The following CAPS2 variants were observed in gnomAD, a reference collection of about 807,000 sequenced individuals.
The protein encoded by CAPS2 is calcyphosine 2, also known as calcyphosin-2.
In CAPS2, 98 loss-of-function variants were observed where a neutral mutation model predicts 86.5. The ratio of observed to expected loss-of-function variants is 1.13; its 90% CI spans 0.96 to 1.34. The LOEUF (loss-of-function observed/expected upper bound fraction) is 1.34. CAPS2 is among the 40% of genes most tolerant of loss of function. The pLI is 0.00. For synonymous variants in CAPS2, 210 were observed against 225.1 expected, an observed-to-expected ratio of 0.93 and a Z score of 0.60; for missense variants, 729 against 686.8, an observed-to-expected ratio of 1.06 and a Z score of -0.69.
intron 1 of CAPS2, among the ~76,000 whole-genome samples, chr12:75,368,007 A>T (rs1043773011): frequency 1.6e-4 from 24 of 152,088 alleles, no homozygotes; most frequent in African/African-American, 5.8e-4. Context: ...AATAAATGTT[A>T]ACTTTAACAA....
intron 1 of CAPS2, among the ~76,000 whole-genome samples, chr12:75,382,639 CA>C (rs59130420): frequency 2.9e-4 from 41 of 143,042 alleles, no homozygotes; most frequent in Admixed American, 2.8e-4. Flanking sequence ...GACTCCATCT[CA>C]AAAAAAAAAA....
upstream of CAPS2, among the ~76,000 whole-genome samples, chr12:75,333,093 C>A (rs2041446256): frequency 6.6e-6 from 1 of 152,150 alleles, no homozygotes. Context: ...TTGGGCCATA[C>A]CTAGGACTTC....
chr12:75,385,411 T>A (rs1300334207), intron 1 of CAPS2, among the ~76,000 whole-genome samples: 1 of 152,030 alleles, frequency 6.6e-6, no homozygotes, highest in Non-Finnish European at 1.5e-5. Context: ...GAACTCATAA[T>A]AAAAATTCTC....
intron 11 of CAPS2, among the ~76,000 whole-genome samples, chr12:75,296,113 T>C (rs561640026): frequency 2.0e-5 from 3 of 152,162 alleles, no homozygotes; most frequent in Admixed American, 6.5e-5. Context: ...GACTTTTTAG[T>C]TGAGGGAGGG....
At chr12:75,337,020 A>T (rs543818384) in intron 1 of CAPS2, among the ~76,000 whole-genome samples, 58 of 151,980 alleles carry the variant, frequency 3.8e-4, no homozygotes, top group African/African-American at 1.3e-3. Flanking sequence ...AAGTTAAAGA[A>T]TAAATAATAA....
At chr12:75,288,044 A>T (rs2035207390) in intron 14 of CAPS2, among the ~76,000 whole-genome samples, 1 of 152,218 alleles carries the variant, frequency 6.6e-6, no homozygotes, top group South Asian at 2.1e-4. Context: ...TGGTTGCAGA[A>T]GTATTCTGTG....
intron 13 of CAPS2, among the ~76,000 whole-genome samples, chr12:75,290,808 G>C (rs368518754): frequency 7.6e-4 from 115 of 151,686 alleles, no homozygotes; most frequent in Middle Eastern, 3.4e-3. Flanking sequence ...TGTAGTCCTG[G>C]CTACTCAGGA....
intron 5 of CAPS2, among the ~76,000 whole-genome samples, chr12:75,317,880 A>G (rs1248489880): frequency 2.0e-5 from 3 of 151,802 alleles, no homozygotes; most frequent in Non-Finnish European, 4.4e-5. Flanking sequence ...AATTTCTAGG[A>G]AAAAAAATAC....
intron 1 of CAPS2, among the ~76,000 whole-genome samples, chr12:75,348,077 ATGAT>A (rs1348862695): frequency 6.6e-5 from 10 of 152,284 alleles, no homozygotes; most frequent in Non-Finnish European, 1.2e-4. Flanking sequence ...GAATAAGAAA[ATGAT>A]TGAGAATGAT....
intron 8 of CAPS2, among the ~76,000 whole-genome samples, chr12:75,303,175 A>T (rs1439184913): frequency 4.6e-5 from 7 of 152,222 alleles, no homozygotes; most frequent in African/African-American, 1.7e-4. Flanking sequence ...CAACAATGAG[A>T]ATAAAAAAAG....
chr12:75,378,589 A>G (rs1227843159), intron 1 of CAPS2, among the ~76,000 whole-genome samples: 2 of 152,206 alleles, frequency 1.3e-5, no homozygotes, highest in Non-Finnish European at 2.9e-5. Context: ...TTGAAAACTC[A>G]GGCAAAATGT....
intron 7 of CAPS2, chr12:75,305,589 G>A (rs1344751123): frequency 3.7e-5 from 23 of 626,342 alleles, no homozygotes; most frequent in Non-Finnish European, 6.7e-5. Flanking sequence ...CTCCAGACCC[G>A]ACCACTGCCC....
At chr12:75,376,353 T>C (rs1244088411) in intron 1 of CAPS2, among the ~76,000 whole-genome samples, 1 of 152,220 alleles carries the variant, frequency 6.6e-6, no homozygotes, top group African/African-American at 2.4e-5. Flanking sequence ...AGATTTCTGC[T>C]TACATAAATT....
chr12:75,354,383 T>C, intron 1 of CAPS2, among the ~76,000 whole-genome samples: 1 of 151,766 alleles, frequency 6.6e-6, no homozygotes, highest in African/African-American at 2.4e-5. Context: ...CCATTCACAA[T>C]TGCTAGAAAG....
intron 1 of CAPS2, among the ~76,000 whole-genome samples, chr12:75,338,541 T>A (rs549829527): frequency 1.9e-4 from 29 of 152,286 alleles, no homozygotes; most frequent in African/African-American, 6.5e-4. Context: ...TAGGTTTTTT[T>A]AATAATAGTT....
At chr12:75,380,975 A>C (rs183652124) in intron 1 of CAPS2, among the ~76,000 whole-genome samples, 2 of 152,354 alleles carry the variant, frequency 1.3e-5, no homozygotes, top group Admixed American at 1.3e-4. Context: ...TTCAGGAGTC[A>C]AATTTTAATA....
At chr12:75,380,418 T>C (rs2044897359) in intron 1 of CAPS2, among the ~76,000 whole-genome samples, 1 of 152,192 alleles carries the variant, frequency 6.6e-6, no homozygotes, top group Admixed American at 6.5e-5. Flanking sequence ...CACTTGCCAA[T>C]GTCCTCCAGA....
At chr12:75,328,161 T>C (rs1016318432), upstream of CAPS2, among the ~76,000 whole-genome samples, 1 of 152,224 alleles carries the variant, frequency 6.6e-6, no homozygotes, top group African/African-American at 2.4e-5. Context: ...AAGTTGCTGT[T>C]GTTTTGTTTT....
At chr12:75,333,491 G>T (rs2041487816), upstream of CAPS2, among the ~76,000 whole-genome samples, 1 of 152,000 alleles carries the variant, frequency 6.6e-6, no homozygotes. Context: ...TTTGGGTGTG[G>T]GATATCAGAA....
Sources: allele counts gnomAD v4.1 joint callset (sites outside exome capture counted in the v4.1 genomes callset), GRCh38; gene constraint gnomAD v4.1.1; transcripts MANE v1.5; gene names NCBI Gene and HGNC (gene_info 2026-07-23, HGNC 2026-07-21).